ATM: variants seen among roughly 807,000 people sequenced by gnomAD.
ATM encodes ATM serine/threonine kinase.
Under a neutral mutation model 387.0 loss-of-function variants are expected in ATM, and 308 were observed. That is an observed-to-expected ratio of 0.80 (90% CI 0.73 to 0.87). The LOEUF is 0.87. ATM is among the 40% of genes least tolerant of loss of function. The probability of loss-of-function intolerance (pLI) is 0.00; values close to 1 mark genes in which losing one functional copy is unlikely to be tolerated. For missense variants in ATM, 3,312 were observed against 3,560.9 expected (o/e 0.93, Z 1.78); for synonymous variants, 1,156 against 1,187.3 (o/e 0.97, Z 0.54).
chr11:108,328,895 C>A, intron 48 of ATM, 126 bp from the exon 49 acceptor site: 2 of 1,071,176 alleles, frequency 1.9e-6, no homozygotes, highest in Non-Finnish European at 2.7e-6. Context: ...TGCAATAGTT[C>A]ATATAATTTA....
At position 108,353,620 on chromosome 11, in the gene ATM, A is replaced by G. The variant is rs184942566; in HGVS notation, c.8672-146A>G. The G allele has an allele frequency of 1.1e-4, 71 of 667,120 alleles. No individual in the cohort carries two copies. In the East Asian group the frequency reaches 1.5e-3, roughly 14 times the overall value. The allele number at this position is 667,120 out of a possible 1,614,324, so 41.3% of individuals were successfully genotyped here. ...AGTGACAAAGATGAGGAAGGCAGCCAGAGCAGAAGTAAACTACTGTACATA... is the reference window on the plus strand; with the variant it reads ...AGTGACAAAGATGAGGAAGGCAGCCGGAGCAGAAGTAAACTACTGTACATA... On this transcript the variant is annotated intron_variant, in intron 59 of 62. Coordinates refer to ENST00000675843, the MANE Select transcript of ATM (RefSeq NM_000051.4).
chr11:108,345,213 A>T (rs996283991), intron 57 of ATM, among the ~76,000 whole-genome samples: 1 of 152,222 alleles, frequency 6.6e-6, no homozygotes, highest in African/African-American at 2.4e-5. Context: ...GCTAAAGCTT[A>T]ATAAAGATAT....
At chr11:108,352,329 T>C (rs928852527) in intron 59 of ATM, among the ~76,000 whole-genome samples, 34 of 152,122 alleles carry the variant, frequency 2.2e-4, no homozygotes, top group Admixed American at 5.2e-4. Flanking sequence ...AGTATAGAAG[T>C]AGATATAAAG....
intron 36 of ATM, 46 bp from the exon 37 acceptor site, chr11:108,304,629 C>T (rs940483532): frequency 1.9e-6 from 3 of 1,567,828 alleles, no homozygotes; most frequent in African/African-American, 1.4e-5. Context: ...ATTAATTTTA[C>T]TCATTTTTAC....
chr11:108,231,854 C>G (rs912184448), intron 4 of ATM, among the ~76,000 whole-genome samples: 2 of 152,216 alleles, frequency 1.3e-5, no homozygotes, highest in East Asian at 3.9e-4. Flanking sequence ...CTCTGAGATG[C>G]GAGTTCGTGT....
chr11:108,250,942 C>T lies in ATM; in HGVS notation c.1477C>T (p.Arg493Cys), dbSNP rs750280306. 14 of 1,613,992 alleles carry T rather than the reference C, an allele frequency of 8.7e-6. No individual in the cohort carries two copies. The highest frequency in any genetic ancestry group is 1.1e-5 in the Non-Finnish European group (13 of 1,180,020). Residue 493 changes from arginine to cysteine, a missense_variant, in exon 10 of 63, where the codon CGT becomes TGT. Physicochemically the swap from Arg to Cys is radical, Grantham distance 180. Around this residue, in one of 4 missense-constraint regions of ATM, gnomAD observed 1,791 missense variants for 1,804.5 expected, o/e 0.99. Transcript: ENST00000675843. ...LWNKIWCITF[R>C]GISSEQIQAE... The stretch of plus-strand genomic sequence containing the variant: ...GAATAAAATTTGGTGTATTACCTTT[C>T]GTGGTATAAGTTCTGAGCAAATACA...
chr11:108,246,025 T>C (rs1006481324), intron 7 of ATM, among the ~76,000 whole-genome samples: 2 of 151,984 alleles, frequency 1.3e-5, no homozygotes, highest in African/African-American at 4.8e-5. Flanking sequence ...GGTCTCACCA[T>C]GTTGGCCAAG....
chr11:108,333,364 T>TA (rs1198364519), intron 53 of ATM, among the ~76,000 whole-genome samples: 1 of 152,234 alleles, frequency 6.6e-6, no homozygotes, highest in Admixed American at 6.5e-5. Flanking sequence ...TACAAGCTGC[T>TA]ATATAATCTT....
intron 25 of ATM, among the ~76,000 whole-genome samples, chr11:108,283,592 A>G (rs2082339351): frequency 6.6e-6 from 1 of 152,206 alleles, no homozygotes; most frequent in Non-Finnish European, 1.5e-5. Context: ...TAAGAAGGAT[A>G]TTCCTACAAA....
chr11:108,331,748 C>T (rs1250478512), intron 51 of ATM, 131 bp from the exon 52 acceptor site: 1 of 1,292,246 alleles, frequency 7.7e-7, no homozygotes, highest in Non-Finnish European at 1.1e-6. Context: ...TTTTCTCACA[C>T]ATGCAGGCAT....
intron 5 of ATM, among the ~76,000 whole-genome samples, chr11:108,237,899 G>GTTTTTTTTTTT (rs369161623): frequency 7.6e-5 from 7 of 92,034 alleles, no homozygotes; most frequent in African/African-American, 1.9e-4. Flanking sequence ...ATTTACTTAG[G>GTTTTTTTTTTT]TTTTTTTTTT....
At chr11:108,307,803 T>TA in intron 37 of ATM, 94 bp from the exon 38 acceptor site, 1 of 1,147,712 alleles carries the variant, frequency 8.7e-7, no homozygotes, top group Non-Finnish European at 1.3e-6. Context: ...ACCAGAACCT[T>TA]ATAGCATAGT....
At chr11:108,285,862 T>TTA (rs2082462881) in intron 26 of ATM, among the ~76,000 whole-genome samples, 1 of 152,178 alleles carries the variant, frequency 6.6e-6, no homozygotes, top group Admixed American at 6.5e-5. Flanking sequence ...CTGAGCATTC[T>TTA]TAATCTTACT....
At chr11:108,319,423 C>A (rs2085027706) in intron 43 of ATM, among the ~76,000 whole-genome samples, 1 of 152,128 alleles carries the variant, frequency 6.6e-6, no homozygotes, top group Non-Finnish European at 1.5e-5. Flanking sequence ...CTCCTTTTCC[C>A]CCAGTTACCA....
rs864622471 is a variant in ATM at position 108,329,200 on chromosome 11, A to G, written c.7269A>G (p.Glu2423=). The G allele has an allele frequency of 6.2e-7, 1 of 1,614,038 alleles. No homozygotes were observed. Among genetic ancestry groups the G allele is most frequent in the Middle Eastern group, 1.6e-4 (1 of 6,062 alleles). ...KQALLKRAKE[E]VGLLREHKIQ... ...CTCTCCTGAAAAGAGCCAAAGAGGA[A>G]GTAGGTCTCCTTAGGGAACATAAAA... Residue 2423 remains glutamate, a synonymous_variant, in exon 49 of 63, where the codon GAA becomes GAG. Coordinates refer to ENST00000675843, the MANE Select transcript of ATM (RefSeq NM_000051.4).
At chr11:108,239,905 C>T (rs1205693158) in intron 5 of ATM, among the ~76,000 whole-genome samples, 2 of 152,354 alleles carry the variant, frequency 1.3e-5, no homozygotes, top group Middle Eastern at 3.4e-3. Context: ...TTTCTGTGCT[C>T]AAGCTACACT....
chr11:108,364,316 A>G (rs1358356474), intron 61 of ATM, among the ~76,000 whole-genome samples: 2 of 152,158 alleles, frequency 1.3e-5, no homozygotes, highest in East Asian at 1.9e-4. Context: ...GCTAAAGCCT[A>G]TTTTTTTTAA....
chr11:108,266,305 TA>T (rs1486806603), intron 16 of ATM, among the ~76,000 whole-genome samples: 3 of 151,862 alleles, frequency 2.0e-5, no homozygotes, highest in Non-Finnish European at 2.9e-5. Flanking sequence ...TATGCAGCCA[TA>T]AAAAATGATG....
intron 38 of ATM, among the ~76,000 whole-genome samples, chr11:108,309,741 G>A (rs2083983916): frequency 6.6e-6 from 1 of 152,192 alleles, no homozygotes; most frequent in Admixed American, 6.5e-5. Context: ...ACATGTATTT[G>A]TGTCTTAGAT....
Sources: allele counts gnomAD v4.1 joint callset (sites outside exome capture counted in the v4.1 genomes callset), GRCh38; gene constraint gnomAD v4.1.1; regional missense constraint gnomAD v4.1.1; transcripts MANE v1.5; gene names NCBI Gene and HGNC (gene_info 2026-07-23, HGNC 2026-07-21).